KANSL1: variants seen among roughly 807,000 people sequenced by gnomAD.
The protein encoded by KANSL1 is KAT8 regulatory NSL complex subunit 1.
KANSL1 carries 22 observed loss-of-function variants against 103.6 expected under a neutral mutation model. The observed-to-expected ratio is 0.21, with a 90% CI of 0.15 to 0.30. The LOEUF (loss-of-function observed/expected upper bound fraction) is 0.30. KANSL1 is among the 10% of genes least tolerant of loss of function. The pLI is 1.00. For missense variants in KANSL1, 1,337 were observed against 1,399.8 expected (o/e 0.96, Z 0.72); for synonymous variants, 600 against 527.6 (o/e 1.14, Z -1.88).
chr17:46,159,365 C>G (rs908930224), intron 2 of KANSL1, among the ~76,000 whole-genome samples: 27 of 152,352 alleles, frequency 1.8e-4, no homozygotes, highest in African/African-American at 6.5e-4. Context: ...CTCTCTTACT[C>G]CCCTTTTAGT....
intron 2 of KANSL1, among the ~76,000 whole-genome samples, chr17:46,165,237 T>G (rs78131138): frequency 6.6e-6 from 1 of 150,834 alleles, no homozygotes; most frequent in Non-Finnish European, 1.5e-5. Context: ...ATTTTTATTT[T>G]TACTTATTTA....
intron 4 of KANSL1, among the ~76,000 whole-genome samples, chr17:46,070,965 T>C (rs1038506661): frequency 3.3e-5 from 5 of 152,176 alleles, no homozygotes; most frequent in African/African-American, 9.7e-5. Context: ...TCAAAACATT[T>C]ATCTTTCTTA....
chr17:46,209,329 G>A (rs112450529), intron 1 of KANSL1, among the ~76,000 whole-genome samples: 13 of 152,146 alleles, frequency 8.5e-5, no homozygotes, highest in South Asian at 2.1e-4. Context: ...TATTTGCTTC[G>A]ATATTTACTG....
intron 6 of KANSL1, among the ~76,000 whole-genome samples, chr17:46,054,244 GGGTTTCACCACGTT>G (rs1299367325): frequency 6.6e-6 from 1 of 152,162 alleles, no homozygotes; most frequent in Non-Finnish European, 1.5e-5. Context: ...AGTAGAGACG[GGGTTTCACCACGTT>G]GGCCAGGCTG....
chr17:46,139,623 G>A (rs1415426590), intron 2 of KANSL1, among the ~76,000 whole-genome samples: 1 of 152,208 alleles, frequency 6.6e-6, no homozygotes, highest in African/African-American at 2.4e-5. Context: ...ACTAAGCCTT[G>A]TGACCTCGGG....
rs1445998405 is a variant in KANSL1, at chr17:46,110,793, A to AG, written c.1290-16093dup. 9.9e-5 allele frequency among the ~76,000 whole-genome samples: 15 copies of AG among 151,620 alleles called. No homozygotes were observed. The East Asian group carries it at 3.0e-3, about 30-fold the overall frequency. Reference sequence around the variant, plus strand: ...GCTGAGTTCTGAAAGGAGAGAAATAAGGTTGGGGTGGGAGGTGGGGAAAGC... The same window carrying AG: ...GCTGAGTTCTGAAAGGAGAGAAATAAGGGTTGGGGTGGGAGGTGGGGAAAGC... On this transcript the variant is annotated intron_variant, in intron 2 of 14. Coordinates refer to ENST00000432791, the MANE Select transcript of KANSL1 (RefSeq NM_015443.4).
chr17:46,078,341 C>T (rs55972730), intron 4 of KANSL1, among the ~76,000 whole-genome samples: 21,801 of 152,270 alleles, frequency 0.14, 2,129 homozygotes, highest in Non-Finnish European at 0.22. Context: ...ATCTTCTCTG[C>T]TCAGCTCTTT....
intron 2 of KANSL1, among the ~76,000 whole-genome samples, chr17:46,147,572 TAAAAAAAA>T (rs10717937): frequency 7.8e-5 from 8 of 103,078 alleles, no homozygotes; most frequent in South Asian, 3.0e-4. Context: ...TGAGACTCTT[TAAAAAAAA>T]AAAAAAAAAA....
At chr17:46,036,766 C>G (rs913111324) in intron 10 of KANSL1, among the ~76,000 whole-genome samples, 1 of 151,576 alleles carries the variant, frequency 6.6e-6, no homozygotes, top group African/African-American at 2.4e-5. Context: ...GACGCCCAGG[C>G]TTGAGTGCAA....
chr17:46,048,384 A>C (rs376816970), intron 7 of KANSL1, among the ~76,000 whole-genome samples: 234 of 151,964 alleles, frequency 1.5e-3, no homozygotes, highest in African/African-American at 5.5e-3. Context: ...CCTGGCCAAC[A>C]TGGTAAAACC....
intron 2 of KANSL1, among the ~76,000 whole-genome samples, chr17:46,136,897 A>G (rs925886181): frequency 1.3e-5 from 2 of 152,254 alleles, no homozygotes; most frequent in African/African-American, 4.8e-5. Flanking sequence ...AAAAAACAAA[A>G]CAAAATGTTC....
chr17:46,161,425 G>A (rs1002492408), intron 2 of KANSL1, among the ~76,000 whole-genome samples: 23 of 151,122 alleles, frequency 1.5e-4, no homozygotes, highest in Non-Finnish European at 4.4e-5. Flanking sequence ...GACAGAGCGA[G>A]ACTCTGTCTC....
At position 46,151,002 on chromosome 17, in the gene KANSL1, CAT is replaced by C. The variant is rs2045066749; in HGVS notation, c.1289+19851_1289+19852del. ...TAAAGAATAAAGACATGAGCAGTCTCATAACATAGACAAGTTCAGTCTACTGT... is the reference window on the plus strand; with the variant it reads ...TAAAGAATAAAGACATGAGCAGTCTCAACATAGACAAGTTCAGTCTACTGT... On this transcript the variant is annotated intron_variant, in intron 2 of 14. Transcript: ENST00000432791. Among the ~76,000 whole-genome samples, 3 of 151,564 alleles carry C rather than the reference CAT, an allele frequency of 2.0e-5. No homozygotes were observed. The South Asian group carries it at 6.3e-4, about 32-fold the overall frequency.
At chr17:46,138,512 T>G (rs892847907) in intron 2 of KANSL1, among the ~76,000 whole-genome samples, 1 of 152,248 alleles carries the variant, frequency 6.6e-6, no homozygotes, top group Non-Finnish European at 1.5e-5. Flanking sequence ...ATTTGAGCAC[T>G]GTCAGATTTG....
intron 2 of KANSL1, among the ~76,000 whole-genome samples, chr17:46,145,473 T>C (rs1045571945): frequency 6.6e-6 from 1 of 152,246 alleles, no homozygotes; most frequent in Non-Finnish European, 1.5e-5. Flanking sequence ...AAAAGAGCTA[T>C]CTAGAACAGT....
chr17:46,031,840 C>A (rs1229905285), intron 14 of KANSL1, 137 bp from the exon 15 acceptor site: 3 of 1,033,264 alleles, frequency 2.9e-6, no homozygotes, highest in Admixed American at 5.0e-5. Context: ...TGGGAACACC[C>A]CTCCTAGGGT....
intron 1 of KANSL1, among the ~76,000 whole-genome samples, chr17:46,191,015 AACC>A (rs1270069434): frequency 6.6e-6 from 1 of 152,226 alleles, no homozygotes; most frequent in African/African-American, 2.4e-5. Flanking sequence ...CATACTCAAG[AACC>A]ACATTTCGTA....
At chr17:46,059,954 A>C (rs1184990609) in intron 6 of KANSL1, among the ~76,000 whole-genome samples, 10 of 152,138 alleles carry the variant, frequency 6.6e-5, no homozygotes, top group Admixed American at 6.6e-4. Context: ...GGGGGACAAA[A>C]AACAAACAAC....
At chr17:46,084,527 C>CA (rs910392666) in intron 3 of KANSL1, among the ~76,000 whole-genome samples, 5 of 151,374 alleles carry the variant, frequency 3.3e-5, no homozygotes, top group African/African-American at 7.3e-5. Flanking sequence ...AGTAAAAATA[C>CA]AAAAAATAGC....
Sources: gnomAD v4.1 joint callset for allele counts (sites outside exome capture counted in the v4.1 genomes callset) on GRCh38, gnomAD v4.1.1 for gene constraint, MANE v1.5 for transcripts, NCBI Gene and HGNC (gene_info 2026-07-23, HGNC 2026-07-21) for gene names.